Variants in PRRC2C observed in about 807,000 individuals in gnomAD.
PRRC2C encodes protein PRRC2C.
In PRRC2C, 72 loss-of-function variants were observed where a neutral mutation model predicts 317.2. The observed-to-expected ratio is 0.23, with a 90% CI of 0.19 to 0.28. The LOEUF (loss-of-function observed/expected upper bound fraction) is 0.28, where lower values mean the gene tolerates loss of function less well. Among genes scored for constraint, PRRC2C ranks in the 10% least tolerant of loss-of-function variants. The probability of loss-of-function intolerance (pLI) is 1.00; values close to 1 mark genes in which losing one functional copy is unlikely to be tolerated. For missense variants in PRRC2C, 3,074 were observed against 3,459.7 expected (o/e 0.89, Z 2.80); for synonymous variants, 1,296 against 1,205.9 (o/e 1.07, Z -1.55).
At chr1:171,552,562 C>T (rs1472968264) in intron 18 of PRRC2C, among the ~76,000 whole-genome samples, 1 of 152,144 alleles carries the variant, frequency 6.6e-6, no homozygotes, top group Admixed American at 6.5e-5. Context: ...AGAATGCTTC[C>T]AGTTTTTGCC....
At chr1:171,576,778 A>C (rs1685766883) in intron 25 of PRRC2C, among the ~76,000 whole-genome samples, 1 of 151,962 alleles carries the variant, frequency 6.6e-6, no homozygotes, top group Non-Finnish European at 1.5e-5. Context: ...CTGCAGCCTC[A>C]AACTCCTGGG....
chr1:171,559,221 A>T (rs1682078654), intron 19 of PRRC2C, among the ~76,000 whole-genome samples: 1 of 152,212 alleles, frequency 6.6e-6, no homozygotes, highest in African/African-American at 2.4e-5. Context: ...GGCTACATTA[A>T]ATAATAAATT....
intron 1 of PRRC2C, among the ~76,000 whole-genome samples, chr1:171,486,489 A>G (rs1666137666): frequency 6.6e-6 from 1 of 152,154 alleles, no homozygotes; most frequent in Non-Finnish European, 1.5e-5. Flanking sequence ...GGGCCACTAT[A>G]GAGACATTGA....
At chr1:171,559,304 AT>A (rs2102656261) in intron 19 of PRRC2C, among the ~76,000 whole-genome samples, 1 of 152,290 alleles carries the variant, frequency 6.6e-6, no homozygotes, top group South Asian at 2.1e-4. Flanking sequence ...AGAGAAGTCA[AT>A]GCCTGACTTA....
intron 18 of PRRC2C, among the ~76,000 whole-genome samples, chr1:171,554,019 C>T (rs1274610261): frequency 6.6e-6 from 1 of 152,126 alleles, no homozygotes; most frequent in East Asian, 1.9e-4. Flanking sequence ...TCCTGGATAT[C>T]CTTGTTAACC....
At chr1:171,566,175 A>G (rs1683620934) in intron 20 of PRRC2C, 58 bp from the exon 21 acceptor site, 1 of 1,409,758 alleles carries the variant, frequency 7.1e-7, no homozygotes, top group Non-Finnish European at 9.7e-7. Flanking sequence ...AGTGCTTCAT[A>G]AATCAGTCAC....
chr1:171,522,206 T>G lies in PRRC2C; in HGVS notation c.780T>G (p.Tyr260Ter). 6.3e-7 allele frequency: 1 copy of G among 1,595,340 alleles called. No individual in the cohort carries two copies. The highest frequency in any genetic ancestry group is 8.6e-7 in the Non-Finnish European group (1 of 1,166,094). ...YMFQQYPRMT[Y>*]PPLHGPMRFP... ...TCCAACAGTATCCGAGGATGACATA[T>G]CCTCCTCTACATGGTCCCATGAGAT... The change falls in exon 7 of 35, where the codon TAT (tyrosine) becomes TAG (stop). Residue 260 changes from tyrosine to a stop codon, truncating the protein, a stop_gained. Coordinates refer to ENST00000647382, the MANE Select transcript of PRRC2C (RefSeq NM_001387844.1). LOFTEE classifies it high-confidence loss of function.
Position 171,559,516 on chromosome 1 carries a change from T to TTG in PRRC2C, c.6031+1374_6031+1375insGT, listed in dbSNP as rs1470734408. 1.9e-4 allele frequency among the ~76,000 whole-genome samples: 9 copies of TTG among 46,600 alleles called. 1 individual carries two copies. In the East Asian group the frequency reaches 2.6e-3, roughly 13 times the overall value. The allele number at this position is 46,600 out of a possible 152,430, so 30.6% of individuals were successfully genotyped here. On this transcript the variant is annotated intron_variant, in intron 19 of 34. Transcript: ENST00000647382. ...AAATGGCATACCAAGTTTGTTTTTT[T>TTG]TTTTTTTTTTTTTTTTTTTTTTTTG...
rs1647981061 is a variant in PRRC2C at position 171,579,370 on chromosome 1, C to G, written c.7176C>G (p.Phe2392Leu). The G allele has an allele frequency of 1.9e-6, 3 of 1,613,796 alleles. No homozygotes were observed. Among genetic ancestry groups the G allele is most frequent in the Non-Finnish European group, 2.5e-6 (3 of 1,179,792 alleles). Residue 2392 changes from phenylalanine (F) to leucine (L), a missense_variant, in exon 27 of 35, where the codon TTC becomes TTG. Transcript: ENST00000647382. ...SQSAAAQIPA[F>L]YMDTSHLFNT... ...GGTCTACAGCTCAAATCCCAGCCTT[C>G]TATATGGACACAAGTCATTTATTCA...
chr1:171,518,354 G>T (rs1355679007), intron 6 of PRRC2C, among the ~76,000 whole-genome samples: 5 of 151,446 alleles, frequency 3.3e-5, no homozygotes, highest in Non-Finnish European at 7.4e-5. Flanking sequence ...CCTGAGAGGA[G>T]GTCCATAGGT....
chr1:171,586,369 G>A (rs1315164934), intron 30 of PRRC2C, among the ~76,000 whole-genome samples: 2 of 151,256 alleles, frequency 1.3e-5, no homozygotes, highest in East Asian at 3.9e-4. Flanking sequence ...GGGATTATAG[G>A]CGTGAGCCAC....
rs758959052 is a variant in PRRC2C at position 171,517,579 on chromosome 1, C to T, written c.527-12C>T. 3.4e-5 allele frequency: 55 copies of T among 1,599,564 alleles called. No homozygotes were observed. The Middle Eastern group carries it at 8.3e-4, about 24-fold the overall frequency. ...TTTTATCTTTTTCCTTTTTTCTCTG[C>T]CTTCATACTAGATGTTGCTTGTTGG... On this transcript the variant is annotated splice_polypyrimidine_tract_variant and intron_variant, in intron 5 of 34. Coordinates refer to ENST00000647382, the MANE Select transcript of PRRC2C (RefSeq NM_001387844.1).
chr1:171,494,805 T>C (rs1667824982), intron 1 of PRRC2C, among the ~76,000 whole-genome samples: 1 of 151,954 alleles, frequency 6.6e-6, no homozygotes, highest in African/African-American at 2.4e-5. Context: ...AGAAACAGAT[T>C]TCTCTTTGTA....
At chr1:171,547,322 A>G (rs1571924787) in intron 17 of PRRC2C, among the ~76,000 whole-genome samples, 1 of 152,282 alleles carries the variant, frequency 6.6e-6, no homozygotes, top group East Asian at 1.9e-4. Flanking sequence ...TAGTGTTCGA[A>G]TTTTCCATAA....
chr1:171,504,792 A>G (rs1352602759), intron 1 of PRRC2C, among the ~76,000 whole-genome samples: 1 of 152,084 alleles, frequency 6.6e-6, no homozygotes, highest in Non-Finnish European at 1.5e-5. Flanking sequence ...TAAATTTTAG[A>G]ATCAGCTTGA....
intron 6 of PRRC2C, among the ~76,000 whole-genome samples, chr1:171,518,407 A>C (rs1332788911): frequency 7.0e-6 from 1 of 143,512 alleles, no homozygotes; most frequent in Non-Finnish European, 1.5e-5. Flanking sequence ...TTCATGGAAA[A>C]AATGATAAAG....
At chr1:171,565,106 A>G (rs1385835200) in intron 20 of PRRC2C, among the ~76,000 whole-genome samples, 3 of 152,150 alleles carry the variant, frequency 2.0e-5, no homozygotes, top group African/African-American at 2.4e-5. Flanking sequence ...ACAAAGCCCT[A>G]GGTCACCTAA....
intron 34 of PRRC2C, chr1:171,591,372 G>GTT (rs1345952122): frequency 3.2e-4 from 166 of 514,818 alleles, no homozygotes; most frequent in Non-Finnish European, 3.8e-4. Flanking sequence ...GTGGTCCTGT[G>GTT]GTTTTTTTTT....
chr1:171,576,975 C>T (rs964275918), intron 25 of PRRC2C, among the ~76,000 whole-genome samples: 2 of 152,210 alleles, frequency 1.3e-5, no homozygotes, highest in African/African-American at 4.8e-5. Flanking sequence ...GTTTATGTGA[C>T]ATTTTAGGAC....
Sources: gnomAD v4.1 joint callset for allele counts (sites outside exome capture counted in the v4.1 genomes callset) on GRCh38, gnomAD v4.1.1 for gene constraint, MANE v1.5 for transcripts, NCBI Gene and HGNC (gene_info 2026-07-23, HGNC 2026-07-21) for gene names.